NDUFA12: variants seen among roughly 807,000 people sequenced by gnomAD.
NDUFA12 encodes NADH:ubiquinone oxidoreductase subunit A12, also known as NADH dehydrogenase [ubiquinone] 1 alpha subcomplex subunit 12.
In NDUFA12, 17 loss-of-function variants were observed where a neutral mutation model predicts 20.3. The observed-to-expected ratio is 0.84, with a 90% CI of 0.57 to 1.26. NDUFA12 has a LOEUF of 1.26. NDUFA12 is among the 50% of genes most tolerant of loss of function. The probability of loss-of-function intolerance (pLI) is 0.00; values close to 1 mark genes in which losing one functional copy is unlikely to be tolerated. For synonymous variants in NDUFA12, 72 were observed against 63.6 expected, an observed-to-expected ratio of 1.13 and a Z score of -0.63; for missense variants, 191 against 183.7, an observed-to-expected ratio of 1.04 and a Z score of -0.23.
rs188516026 is a variant in NDUFA12 at position 94,997,857 on chromosome 12, T to G, written c.170-3600A>C. 3.2e-4 allele frequency among the ~76,000 whole-genome samples: 48 copies of G among 152,268 alleles called. No homozygotes were observed. In the East Asian group the frequency reaches 9.1e-3, roughly 29 times the overall value. On this transcript the variant is annotated intron_variant, in intron 2 of 3. Transcript: ENST00000327772. ...ACAGTGCTAATATTTATTGAGCACTTATTATGTGCCAAGCATTAGGCCAAT... is the reference window on the plus strand; with the variant it reads ...ACAGTGCTAATATTTATTGAGCACTGATTATGTGCCAAGCATTAGGCCAAT...
At chr12:94,975,395 T>C (rs992279076) in intron 3 of NDUFA12, among the ~76,000 whole-genome samples, 4 of 152,250 alleles carry the variant, frequency 2.6e-5, no homozygotes, top group East Asian at 3.8e-4. Flanking sequence ...CATTAAGGTA[T>C]AATTTTTTAC....
chr12:94,974,758 T>C (rs1192989683), intron 3 of NDUFA12, among the ~76,000 whole-genome samples: 1 of 152,110 alleles, frequency 6.6e-6, no homozygotes, highest in Non-Finnish European at 1.5e-5. Context: ...AAGACAAACA[T>C]TGCATGTTCT....
intron 3 of NDUFA12, among the ~76,000 whole-genome samples, chr12:94,979,499 T>C (rs914488006): frequency 2.6e-5 from 4 of 152,082 alleles, no homozygotes; most frequent in Admixed American, 2.0e-4. Flanking sequence ...AAAAAGCAAG[T>C]AAAATGGAGT....
At chr12:94,990,668 C>G (rs1165296390) in intron 3 of NDUFA12, among the ~76,000 whole-genome samples, 1 of 152,090 alleles carries the variant, frequency 6.6e-6, no homozygotes, top group Non-Finnish European at 1.5e-5. Flanking sequence ...TGGCCTCAAG[C>G]GAGCCTCATG....
At chr12:94,987,695 G>A (rs1318257886) in intron 3 of NDUFA12, among the ~76,000 whole-genome samples, 1 of 151,028 alleles carries the variant, frequency 6.6e-6, no homozygotes, top group Non-Finnish European at 1.5e-5. Flanking sequence ...CACCTACTTG[G>A]GAGGCTGAGA....
At position 94,999,400 on chromosome 12, in the gene NDUFA12, A is replaced by G. The variant is rs773265894; in HGVS notation, c.169+3339T>C. On this transcript the variant is annotated intron_variant, in intron 2 of 3. Transcript: ENST00000327772. ...AAAATTCTAGAACATCACATCAGAA[A>G]ATCTCTTCCAGACATTGGCTTAGGC... is the stretch of plus-strand genomic sequence containing the variant. Among the ~76,000 whole-genome samples the G allele has an allele frequency of 4.8e-4, 73 of 152,368 alleles. 1 individual carries two copies. Among genetic ancestry groups the G allele is most frequent in the Non-Finnish European group, 9.4e-4 (64 of 68,034 alleles).
rs975208818 is a variant in NDUFA12 at position 94,998,930 on chromosome 12, T to C, written c.169+3809A>G. Among the ~76,000 whole-genome samples, 7 of 152,318 alleles carry C rather than the reference T, an allele frequency of 4.6e-5. No individual in the cohort carries two copies. In the South Asian group the frequency reaches 1.5e-3, roughly 32 times the overall value. ...GGCCCAAAGCAATCTACAGATTCAA[T>C]GTAATTTCCATCAAAATACCATCAT... is the stretch of plus-strand genomic sequence containing the variant. On this transcript the variant is annotated intron_variant, in intron 2 of 3. Transcript: ENST00000327772.
chr12:94,989,930 C>T (rs1378268548), intron 3 of NDUFA12, among the ~76,000 whole-genome samples: 1 of 152,152 alleles, frequency 6.6e-6, no homozygotes, highest in Non-Finnish European at 1.5e-5. Flanking sequence ...AGACAGCTCA[C>T]ATGCCTTCTA....
chr12:94,993,596 G>A (rs1256145859), intron 3 of NDUFA12, among the ~76,000 whole-genome samples: 22 of 108,318 alleles, frequency 2.0e-4, no homozygotes, highest in African/African-American at 8.1e-4. Context: ...CTGCACTCTA[G>A]CTTGGGCAAC....
Position 95,002,576 on chromosome 12 carries a change from GTTTAC to G in NDUFA12, c.169+158_169+162del, listed in dbSNP as rs570209691. ...GCATTTTTCCATACCTTCATTGGCT[GTTTAC>G]TTTTCTTTTTTCTGTAAATTATCTT... is the stretch of plus-strand genomic sequence containing the variant. On this transcript the variant is annotated intron_variant, in intron 2 of 3. Transcript: ENST00000327772. Among the ~76,000 whole-genome samples the G allele has an allele frequency of 5.9e-4, 89 of 151,138 alleles. 1 individual carries two copies. The highest frequency in any genetic ancestry group is 3.2e-4 in the Non-Finnish European group (22 of 67,862).
In NDUFA12 at chr12:95,003,665, C is replaced by T. The variant is rs1296757776; in HGVS notation, c.16G>A (p.Val6Ile). 1.2e-6 allele frequency: 2 copies of T among 1,614,072 alleles called. No individual in the cohort carries two copies. Among genetic ancestry groups the T allele is most frequent in the South Asian group, 2.2e-5 (2 of 91,082 alleles). Residue 6 changes from valine to isoleucine, a missense_variant, in exon 1 of 4, where the codon GTC becomes ATC. Transcript: ENST00000327772. ...ATCTGCTGCAGCCCGCGTTTCAGGA[C>T]CTGCACTAACTCCATCTTGCCTCGC... MELVQ[V>I]LKRGLQQITG...
rs1213762624 is a variant in NDUFA12, at chr12:94,994,246, A to T, written c.181T>A (p.Trp61Arg). 3.7e-6 allele frequency: 6 copies of T among 1,614,062 alleles called. No individual in the cohort carries two copies. In the South Asian group the frequency reaches 5.5e-5, roughly 15 times the overall value. ...TTCATTTCAGTAGTATATACAACCC[A>T]TCGGTGACGGCCTGGGTGGGAAGAT... ...DNKQFFGRHR[W>R]VVYTTEMNGK... Residue 61 changes from tryptophan to arginine, a missense_variant, in exon 3 of 4, where the codon TGG becomes AGG. Transcript: ENST00000327772.
At chr12:94,995,888 A>T (rs1206602174) in intron 2 of NDUFA12, among the ~76,000 whole-genome samples, 2 of 147,316 alleles carry the variant, frequency 1.4e-5, no homozygotes, top group African/African-American at 2.5e-5. Flanking sequence ...TGCTATTTTT[A>T]AAAATGCTGT....
rs757133191 is a variant in NDUFA12 at position 94,994,182 on chromosome 12, A to T, written c.245T>A (p.Val82Glu). The change falls in exon 3 of 4, where the codon GTG (valine) becomes GAG (glutamate). Residue 82 changes from valine to glutamate, a missense_variant. Transcript: ENST00000327772. Reference sequence around the variant, plus strand: ...TGTCTTAGCTTACCATTCAGGAGGCACCATGCTTCCATCCACATCCCAGAA... The same window carrying T: ...TGTCTTAGCTTACCATTCAGGAGGCTCCATGCTTCCATCCACATCCCAGAA... ...NTFWDVDGSM[V>E]PPEWHRWLHS... 179 of 1,614,002 alleles carry T rather than the reference A, an allele frequency of 1.1e-4. No homozygotes were observed. Among genetic ancestry groups the T allele is most frequent in the Non-Finnish European group, 1.4e-4 (165 of 1,179,948 alleles).
intron 3 of NDUFA12, among the ~76,000 whole-genome samples, chr12:94,979,102 T>C (rs929300261): frequency 6.6e-6 from 1 of 152,174 alleles, no homozygotes; most frequent in East Asian, 1.9e-4. Context: ...AACATTCCTC[T>C]GTGGAGTCCC....
At chr12:94,999,717 GA>G (rs1018009394) in intron 2 of NDUFA12, among the ~76,000 whole-genome samples, 1 of 151,958 alleles carries the variant, frequency 6.6e-6, no homozygotes. Flanking sequence ...ACAAACCTAT[GA>G]AAAAAATGCT....
chr12:94,994,328 A>G, intron 2 of NDUFA12, 71 bp from the exon 3 acceptor site: 1 of 1,132,072 alleles, frequency 8.8e-7, no homozygotes, highest in Non-Finnish European at 1.3e-6. Flanking sequence ...ATATCAAAGA[A>G]GACAACCTTT....
chr12:94,993,254 C>T (rs1874703114), intron 3 of NDUFA12, among the ~76,000 whole-genome samples: 1 of 89,904 alleles, frequency 1.1e-5, no homozygotes, highest in Non-Finnish European at 2.7e-5. Flanking sequence ...TTTGAGAGGC[C>T]GAGGTGGGTG....
chr12:95,000,342 C>G (rs187055619), intron 2 of NDUFA12, among the ~76,000 whole-genome samples: 1 of 152,150 alleles, frequency 6.6e-6, no homozygotes, highest in Admixed American at 6.5e-5. Flanking sequence ...AGACTACATA[C>G]TGGATACAGT....
Sources: allele counts gnomAD v4.1 joint callset (sites outside exome capture counted in the v4.1 genomes callset), GRCh38; gene constraint gnomAD v4.1.1; transcripts MANE v1.5; gene names NCBI Gene and HGNC (gene_info 2026-07-23, HGNC 2026-07-21).